The following PRKN variants were observed in gnomAD, a reference collection of about 807,000 sequenced individuals.
PRKN encodes E3 ubiquitin-protein ligase parkin.
A neutral mutation model predicts 59.5 loss-of-function variants in PRKN; 56 were observed. The ratio of observed to expected loss-of-function variants is 0.94; its 90% CI spans 0.76 to 1.18. PRKN has a LOEUF of 1.18. PRKN is among the 50% of genes most tolerant of loss of function. The pLI is 0.00. For missense variants in PRKN, 657 were observed against 596.4 expected (o/e 1.10, Z -1.06); for synonymous variants, 250 against 222.1 (o/e 1.13, Z -1.12).
At chr6:162,051,454 T>G (rs1777640613) in intron 5 of PRKN, among the ~76,000 whole-genome samples, 1 of 152,108 alleles carries the variant, frequency 6.6e-6, no homozygotes, top group Non-Finnish European at 1.5e-5. Context: ...CCCTCGGGAG[T>G]GCACATCAGA....
chr6:162,725,013 C>T (rs1303835489), intron 1 of PRKN, among the ~76,000 whole-genome samples: 1 of 152,192 alleles, frequency 6.6e-6, no homozygotes, highest in Non-Finnish European at 1.5e-5. Flanking sequence ...TGCTTTCACG[C>T]CACTGTAAGC....
In PRKN at chr6:161,973,388, G is replaced by T. The variant is rs1216266284; in HGVS notation, c.648C>A (p.Pro216=). ...AEFFFKCGAH[P]TSDKETSVAL... is the part of the protein sequence containing the mutation. ...CTACTGATGTTTCCTTGTCAGAGGT[G>T]GGGTGTGCTCCACATTTAAAGAAAA... Residue 216 remains proline (P), a synonymous_variant, in exon 6 of 12, where the codon CCC becomes CCA. Coordinates refer to ENST00000366898, the MANE Select transcript of PRKN (RefSeq NM_004562.3). The T allele has an allele frequency of 1.9e-6, 3 of 1,612,922 alleles. No homozygotes were observed.
intron 7 of PRKN, among the ~76,000 whole-genome samples, chr6:161,705,824 C>T (rs1003437162): frequency 2.6e-5 from 4 of 152,132 alleles, no homozygotes; most frequent in Admixed American, 6.5e-5. Flanking sequence ...TTCTGTGGTT[C>T]TACTGGTGCA....
At chr6:162,175,221 TA>T (rs1402433966) in intron 4 of PRKN, among the ~76,000 whole-genome samples, 1 of 152,214 alleles carries the variant, frequency 6.6e-6, no homozygotes, top group Non-Finnish European at 1.5e-5. Context: ...CCAGAGGTCA[TA>T]GAGCAGGAAG....
chr6:161,714,394 CT>C (rs2128183354), intron 7 of PRKN, among the ~76,000 whole-genome samples: 1 of 152,318 alleles, frequency 6.6e-6, no homozygotes, highest in East Asian at 1.9e-4. Context: ...ATAAAAGAGG[CT>C]TTACTCCGCA....
At chr6:162,078,886 A>ACATT (rs112038739) in intron 4 of PRKN, among the ~76,000 whole-genome samples, 1 of 151,434 alleles carries the variant, frequency 6.6e-6, no homozygotes, top group East Asian at 1.9e-4. Context: ...AATAATTAAT[A>ACATT]AATACTTTAA....
intron 6 of PRKN, among the ~76,000 whole-genome samples, chr6:161,923,560 C>T (rs1342592317): frequency 2.6e-5 from 4 of 152,102 alleles, no homozygotes; most frequent in African/African-American, 9.7e-5. Flanking sequence ...TGTTCTTCAC[C>T]TAGGTTAACC....
At chr6:161,891,849 G>T (rs1212242235) in intron 6 of PRKN, among the ~76,000 whole-genome samples, 1 of 152,144 alleles carries the variant, frequency 6.6e-6, no homozygotes, top group East Asian at 1.9e-4. Context: ...CAAATATGTA[G>T]GTTAAGAGCC....
At chr6:161,812,814 T>C (rs1791616833) in intron 6 of PRKN, among the ~76,000 whole-genome samples, 1 of 152,210 alleles carries the variant, frequency 6.6e-6, no homozygotes, top group South Asian at 2.1e-4. Flanking sequence ...TAAAAATAGT[T>C]TGGCAGTTTC....
At chr6:161,569,143 C>A (rs958187824) in intron 8 of PRKN, among the ~76,000 whole-genome samples, 1 of 152,212 alleles carries the variant, frequency 6.6e-6, no homozygotes, top group Non-Finnish European at 1.5e-5. Context: ...ACTGCACTGG[C>A]AGATAGCAGA....
chr6:161,680,776 T>TATATA (rs1491495272), intron 7 of PRKN, among the ~76,000 whole-genome samples: 80 of 18,836 alleles, frequency 4.2e-3, no homozygotes, highest in South Asian at 0.011. Context: ...TATATATATA[T>TATATA]TTTTTTTTTT....
At chr6:162,661,833 A>C (rs1778894090) in intron 1 of PRKN, among the ~76,000 whole-genome samples, 1 of 152,216 alleles carries the variant, frequency 6.6e-6, no homozygotes, top group African/African-American at 2.4e-5. Context: ...TAAATTGTTT[A>C]TTAAAATATA....
chr6:162,362,239 C>T (rs1785178885), intron 2 of PRKN, among the ~76,000 whole-genome samples: 1 of 152,064 alleles, frequency 6.6e-6, no homozygotes, highest in Non-Finnish European at 1.5e-5. Context: ...TATGAAAAAT[C>T]AAATCATCTC....
intron 4 of PRKN, among the ~76,000 whole-genome samples, chr6:162,085,282 T>C (rs1779207678): frequency 6.6e-6 from 1 of 151,776 alleles, no homozygotes; most frequent in Admixed American, 6.6e-5. Context: ...AACAACTGAG[T>C]TGAAATTAAA....
intron 2 of PRKN, among the ~76,000 whole-genome samples, chr6:162,296,426 G>C (rs1781681665): frequency 6.6e-6 from 1 of 151,956 alleles, no homozygotes; most frequent in Non-Finnish European, 1.5e-5. Flanking sequence ...TCTCCTTTCT[G>C]AGCATTGCAG....
chr6:161,900,047 G>A (rs941060556), intron 6 of PRKN, among the ~76,000 whole-genome samples: 2 of 151,996 alleles, frequency 1.3e-5, no homozygotes, highest in East Asian at 1.9e-4. Flanking sequence ...GGAGGCAGAG[G>A]TTGCAGTGAG....
At chr6:162,413,226 G>C (rs1188649903) in intron 2 of PRKN, among the ~76,000 whole-genome samples, 2 of 151,928 alleles carry the variant, frequency 1.3e-5, no homozygotes, top group African/African-American at 4.8e-5. Context: ...TTTTATTGTT[G>C]TTTTTCTCAG....
chr6:161,674,746 C>T (rs1421592238), intron 7 of PRKN, among the ~76,000 whole-genome samples: 1 of 152,172 alleles, frequency 6.6e-6, no homozygotes, highest in African/African-American at 2.4e-5. Context: ...TAATCTGTGA[C>T]ATCTCAGCTC....
chr6:162,404,387 G>A (rs1224851696), intron 2 of PRKN, among the ~76,000 whole-genome samples: 3 of 150,220 alleles, frequency 2.0e-5, no homozygotes, highest in African/African-American at 2.4e-5. Flanking sequence ...AAAAAAGAAA[G>A]AAAGAAAGAA....
Sources: gnomAD v4.1 joint callset for allele counts (sites outside exome capture counted in the v4.1 genomes callset) on GRCh38, gnomAD v4.1.1 for gene constraint, MANE v1.5 for transcripts, NCBI Gene and HGNC (gene_info 2026-07-23, HGNC 2026-07-21) for gene names.